Variants in PIK3R6 observed in about 807,000 individuals in gnomAD.
PIK3R6 encodes the protein phosphoinositide 3-kinase regulatory subunit 6.
Under a neutral mutation model 84.9 loss-of-function variants are expected in PIK3R6, and 91 were observed. That is an observed-to-expected ratio of 1.07 (90% CI 0.90 to 1.28). The LOEUF (loss-of-function observed/expected upper bound fraction) is 1.28, where lower values mean the gene tolerates loss of function less well. Among genes scored for constraint, PIK3R6 ranks in the 50% most tolerant of loss-of-function variants. The pLI is 0.00. For synonymous variants in PIK3R6, 416 were observed against 411.4 expected, an observed-to-expected ratio of 1.01 and a Z score of -0.13; for missense variants, 996 against 985.1, an observed-to-expected ratio of 1.01 and a Z score of -0.15.
rs966214905 is a variant in PIK3R6, at chr17:8,827,159, C to A, written c.1515+13G>T. Reference sequence around the variant, plus strand: ...TCCCTCTCTCCCTCCCTGGTACCCTCACCCTCCCCTACCATCTCAGCCAGC... The same window carrying A: ...TCCCTCTCTCCCTCCCTGGTACCCTAACCCTCCCCTACCATCTCAGCCAGC... On this transcript the variant is annotated intron_variant, in intron 13 of 19. Transcript: ENST00000619866. 2 of 1,611,846 alleles carry A rather than the reference C, an allele frequency of 1.2e-6. No individual in the cohort carries two copies. Among genetic ancestry groups the A allele is most frequent in the Non-Finnish European group, 1.7e-6 (2 of 1,178,942 alleles).
At chr17:8,829,212 C>T (rs112398136) in intron 10 of PIK3R6, among the ~76,000 whole-genome samples, 1,435 of 126,814 alleles carry the variant, frequency 0.011, 25 homozygotes, top group African/African-American at 0.043. Flanking sequence ...TGCACACACA[C>T]AGACACACAC....
rs1250868784 is a variant in PIK3R6, at chr17:8,803,863, T to C, written c.2108+178A>G. ...ATGCCATTCATTTGCCTCGACTTCCTGGATCCAAAGCATAGGGCAGTGGCC... is the reference window on the plus strand; with the variant it reads ...ATGCCATTCATTTGCCTCGACTTCCCGGATCCAAAGCATAGGGCAGTGGCC... On this transcript the variant is annotated intron_variant, in intron 19 of 19. Coordinates refer to ENST00000619866, the MANE Select transcript of PIK3R6 (RefSeq NM_001010855.4). This position sits in a 1 kb window ranked among gnomAD's most constrained non-coding sequence, Gnocchi z 5.0. The C allele has an allele frequency of 4.9e-6, 3 of 616,984 alleles. No individual in the cohort carries two copies. The highest frequency in any genetic ancestry group is 1.8e-5 in the African/African-American group (1 of 54,148). 38.2% of individuals were successfully genotyped at this position (616,984 alleles called of 1,614,324 possible).
At position 8,835,443 on chromosome 17, in the gene PIK3R6, C is replaced by T. The variant is rs200325102; in HGVS notation, c.475G>A (p.Val159Met). 165 of 1,563,712 alleles carry T rather than the reference C, an allele frequency of 1.1e-4. No individual in the cohort carries two copies. The highest frequency in any genetic ancestry group is 1.3e-4 in the Non-Finnish European group (148 of 1,145,236). ...GACGCAGACACCAGCTCAGGATCCA[C>T]GAAGAGGAACACTCTGAGGGCAGAA... ...YPYQERVFLFVDPELVSASVC... is the reference protein window; with the variant it reads ...YPYQERVFLFMDPELVSASVC... The change falls in exon 8 of 20, where the codon GTG becomes ATG. Residue 159 changes from valine (V) to methionine (M), a missense_variant. Transcript: ENST00000619866.
At position 8,821,914 on chromosome 17, in the gene PIK3R6, C is replaced by T. The variant is rs199606703; in HGVS notation, c.1811G>A (p.Arg604Gln). ...GGCCCGCAGGGAAACGGTGACCTCT[C>T]GGGGCCGGTGGCTAAGCAAGGCCTG... ...YQKALLSHRP[R>Q]EVTVSLRATG... The change falls in exon 17 of 20, where the codon CGA (arginine) becomes CAA (glutamine). Residue 604 changes from arginine to glutamine, a missense_variant. By Grantham distance (43) the Arg-to-Gln change is conservative (BLOSUM62 1). Coordinates refer to ENST00000619866, the MANE Select transcript of PIK3R6 (RefSeq NM_001010855.4). The T allele has an allele frequency of 2.5e-5, 40 of 1,588,762 alleles. No individual in the cohort carries two copies. Among genetic ancestry groups the T allele is most frequent in the Admixed American group, 8.9e-5 (5 of 56,416 alleles).
intron 7 of PIK3R6, among the ~76,000 whole-genome samples, chr17:8,836,263 G>A (rs1009233760): frequency 6.6e-6 from 1 of 152,200 alleles, no homozygotes; most frequent in African/African-American, 2.4e-5. Context: ...CAGAGCCCCA[G>A]AGTGGCCCCG....
At chr17:8,822,921 G>T in intron 15 of PIK3R6, 75 bp downstream of exon 15, 2 of 1,247,090 alleles carry the variant, frequency 1.6e-6, no homozygotes, top group African/African-American at 1.5e-5. Context: ...GCATCATCAG[G>T]TGAGAGGTGG....
At chr17:8,853,484 C>CAAAAAA (rs56939877) in intron 1 of PIK3R6, among the ~76,000 whole-genome samples, 11 of 104,196 alleles carry the variant, frequency 1.1e-4, no homozygotes, top group African/African-American at 1.4e-4. Flanking sequence ...GACTCCATCT[C>CAAAAAA]AAAAAAAAAA....
At chr17:8,841,834 T>C (rs2088688793) in intron 2 of PIK3R6, among the ~76,000 whole-genome samples, 1 of 152,150 alleles carries the variant, frequency 6.6e-6, no homozygotes, top group Admixed American at 6.5e-5. Flanking sequence ...GTTGCTGTGC[T>C]GTTGCAGTGG....
intron 1 of PIK3R6, among the ~76,000 whole-genome samples, chr17:8,866,565 GC>G (rs1177635084): frequency 6.6e-6 from 1 of 151,996 alleles, no homozygotes; most frequent in Non-Finnish European, 1.5e-5. Flanking sequence ...GGACCGGCCT[GC>G]GAGTGCTCCA....
intron 1 of PIK3R6, among the ~76,000 whole-genome samples, chr17:8,856,766 A>G (rs1013233159): frequency 2.0e-5 from 3 of 152,146 alleles, no homozygotes; most frequent in African/African-American, 7.2e-5. Flanking sequence ...GTGGGGTCAC[A>G]GGTAATTTTT....
intron 13 of PIK3R6, among the ~76,000 whole-genome samples, chr17:8,824,294 T>C (rs964528944): frequency 6.6e-6 from 1 of 152,138 alleles, no homozygotes; most frequent in Non-Finnish European, 1.5e-5. Flanking sequence ...CAATTCAGGT[T>C]TGCGTGTTAT....
intron 8 of PIK3R6, among the ~76,000 whole-genome samples, chr17:8,834,032 T>C (rs982245679): frequency 3.0e-4 from 45 of 151,348 alleles, no homozygotes; most frequent in African/African-American, 1.1e-3. Flanking sequence ...GGCCGGCGCC[T>C]GTAGTCCCAG....
rs770703821 is a variant in PIK3R6, at chr17:8,832,984, A to G, written c.707T>C (p.Met236Thr). The change falls in exon 9 of 20, where the codon ATG becomes ACG. Residue 236 changes from methionine to threonine, a missense_variant. Physicochemically the swap from Met to Thr is moderately conservative, Grantham distance 81. Coordinates refer to ENST00000619866, the MANE Select transcript of PIK3R6 (RefSeq NM_001010855.4). ...FHAVVAALEQMASEASPSREG... is the reference protein window; with the variant it reads ...FHAVVAALEQTASEASPSREG... ...CCGGCTCGGGCTGGCCTCGCTGGCC[A>G]TCTGCTCCAAGGCGGCCACCACGGC... 5 of 1,611,782 alleles carry G rather than the reference A, an allele frequency of 3.1e-6. No homozygotes were observed. The East Asian group carries it at 1.1e-4, about 36-fold the overall frequency.
intron 18 of PIK3R6, among the ~76,000 whole-genome samples, chr17:8,809,654 G>A (rs1451051458): frequency 1.3e-5 from 2 of 152,138 alleles, no homozygotes; most frequent in Non-Finnish European, 2.9e-5. Flanking sequence ...AATTAGCTGG[G>A]CATAGTGGCT....
intron 13 of PIK3R6, among the ~76,000 whole-genome samples, chr17:8,824,145 T>G (rs1458595509): frequency 1.3e-5 from 2 of 152,216 alleles, no homozygotes; most frequent in Non-Finnish European, 2.9e-5. Flanking sequence ...GGCACATTCC[T>G]GTAATCCCAG....
intron 18 of PIK3R6, among the ~76,000 whole-genome samples, chr17:8,806,664 G>A (rs1266006548): frequency 6.6e-6 from 1 of 152,200 alleles, no homozygotes; most frequent in Non-Finnish European, 1.5e-5. Flanking sequence ...ATTGTCTCCT[G>A]TTCTCTGTTG....
At chr17:8,827,745 GAGAGAGAGA>G (rs2087977193) in intron 12 of PIK3R6, among the ~76,000 whole-genome samples, 3 of 89,522 alleles carry the variant, frequency 3.4e-5, no homozygotes, top group African/African-American at 1.4e-4. Context: ...GGGAAGGGGA[GAGAGAGAGA>G]GAGAGAGAGG....
At chr17:8,808,533 C>T (rs1255357350) in intron 18 of PIK3R6, among the ~76,000 whole-genome samples, 1 of 152,208 alleles carries the variant, frequency 6.6e-6, no homozygotes, top group South Asian at 2.1e-4. Context: ...TGAATCCAGA[C>T]AATCTGGCTC....
chr17:8,860,288 G>T (rs984496352), intron 1 of PIK3R6, among the ~76,000 whole-genome samples: 16 of 132,418 alleles, frequency 1.2e-4, no homozygotes, highest in African/African-American at 5.5e-4. Context: ...GCCTCCTGGG[G>T]CGGGGGGCGG....
Sources: allele counts gnomAD v4.1 joint callset (sites outside exome capture counted in the v4.1 genomes callset), GRCh38; gene constraint gnomAD v4.1.1; non-coding constraint Gnocchi (gnomAD v3.1); transcripts MANE v1.5; gene names NCBI Gene and HGNC (gene_info 2026-07-23, HGNC 2026-07-21).